CCDC112: variants seen among roughly 807,000 people sequenced by gnomAD.
CCDC112 encodes the protein coiled-coil domain containing 112.
CCDC112 carries 40 observed loss-of-function variants against 66.3 expected under a neutral mutation model. The observed-to-expected ratio is 0.60, with a 90% confidence interval of 0.47 to 0.79. CCDC112 has a LOEUF of 0.79. CCDC112 is among the 30% of genes least tolerant of loss of function. The pLI is 0.00. For missense variants in CCDC112, 659 were observed against 603.8 expected (o/e 1.09, Z -0.96); for synonymous variants, 214 against 197.2 (o/e 1.09, Z -0.71).
At chr5:115,285,852 A>G (rs1476845648) in intron 1 of CCDC112, among the ~76,000 whole-genome samples, 1 of 152,116 alleles carries the variant, frequency 6.6e-6, no homozygotes, top group Non-Finnish European at 1.5e-5. Context: ...AAGGAATGAC[A>G]GTGTCCAGGA....
rs1487215801 is a variant in CCDC112 at position 115,296,526 on chromosome 5, C to A, written c.18G>T (p.Thr6=). The change falls in exon 1 of 10, where the codon ACG becomes ACT. Residue 6 remains threonine, a synonymous_variant. Coordinates refer to ENST00000379611, the MANE Select transcript of CCDC112 (RefSeq NM_001040440.3). The part of the protein sequence containing the change: MAALT[T]VVVAAAATAV... Reference sequence around the variant, plus strand: ...CGGTGGCCGCAGCCGCTACCACAACCGTCGTCAGTGCGGCCATGTTTACCC... The same window carrying A: ...CGGTGGCCGCAGCCGCTACCACAACAGTCGTCAGTGCGGCCATGTTTACCC... 3.9e-6 allele frequency: 6 copies of A among 1,536,098 alleles called. No homozygotes were observed. In the South Asian group the frequency reaches 6.0e-5, roughly 15 times the overall value.
At chr5:115,288,988 G>T in intron 1 of CCDC112, 1 of 290,360 alleles carries the variant, frequency 3.4e-6, no homozygotes, top group Non-Finnish European at 6.6e-6. Flanking sequence ...AATCAGATTG[G>T]CTTCCTTTTT....
At chr5:115,278,658 T>C (rs1749310620) in intron 3 of CCDC112, among the ~76,000 whole-genome samples, 1 of 151,958 alleles carries the variant, frequency 6.6e-6, no homozygotes. Context: ...CTGAGGGAAA[T>C]AAAGAAATAT....
Position 115,275,074 on chromosome 5 carries a change from A to T in CCDC112, c.918+142T>A, listed in dbSNP as rs1749146289. ...ACTTAACTTTCAATGCCTCAGTTTC[A>T]TCTTCTATTAGATTGTCGGGGGCGG... On this transcript the variant is annotated intron_variant, in intron 6 of 9. Transcript: ENST00000379611. 6 of 675,504 alleles carry T rather than the reference A, an allele frequency of 8.9e-6. No homozygotes were observed. The South Asian group carries it at 1.4e-4, about 15-fold the overall frequency. The allele number at this position is 675,504 out of a possible 1,614,324, so 41.8% of individuals were successfully genotyped here.
intron 1 of CCDC112, chr5:115,289,017 C>A (rs1156587999): frequency 3.5e-6 from 1 of 285,428 alleles, no homozygotes; most frequent in Non-Finnish European, 6.7e-6. Flanking sequence ...TAACCAAATT[C>A]ATTTTATTGC....
Position 115,271,229 on chromosome 5 carries a change from G to A in CCDC112, c.1316C>T (p.Ser439Phe). 5 of 1,580,242 alleles carry A rather than the reference G, an allele frequency of 3.2e-6. No individual in the cohort carries two copies. Among genetic ancestry groups the A allele is most frequent in the Non-Finnish European group, 4.3e-6 (5 of 1,171,032 alleles). The change falls in exon 7 of 10, where the codon TCC (serine) becomes TTC (phenylalanine). Residue 439 changes from serine (S) to phenylalanine (F), a missense_variant. Coordinates refer to ENST00000379611, the MANE Select transcript of CCDC112 (RefSeq NM_001040440.3). ...EKRKNAADEI[S>F]RFQERDLHKL... ...TTTACTCACTCTTTCTTGAAATCTG[G>A]AAATTTCATCAGCAGCATTTTTCCT...
intron 1 of CCDC112, 27 bp downstream of exon 1, chr5:115,296,400 A>G: frequency 6.4e-7 from 1 of 1,561,102 alleles, no homozygotes; most frequent in African/African-American, 1.4e-5. Context: ...CTGCCGCCAG[A>G]GCAGCTCTCG....
rs1437214234 is a variant in CCDC112 at position 115,284,915 on chromosome 5, T to C, written c.118-7A>G. ...TACTAAAACAGCCATCACTCTGCAT[T>C]GAGAACAAGAAAAACTTAACAGTAA... is the stretch of plus-strand genomic sequence containing the variant. On this transcript the variant is annotated splice_polypyrimidine_tract_variant and splice_region_variant and intron_variant, in intron 1 of 9. Transcript: ENST00000379611. 1.2e-6 allele frequency: 2 copies of C among 1,602,312 alleles called. No homozygotes were observed. The highest frequency in any genetic ancestry group is 2.2e-5 in the South Asian group (2 of 89,248).
At chr5:115,271,768 T>C (rs1749011389) in intron 6 of CCDC112, 142 bp from the exon 7 acceptor site, 1 of 577,116 alleles carries the variant, frequency 1.7e-6, no homozygotes, top group East Asian at 3.3e-5. Flanking sequence ...AGCTTTGTTT[T>C]AACCATTGCA....
chr5:115,292,147 A>C (rs146416494), intron 1 of CCDC112, among the ~76,000 whole-genome samples: 182 of 152,204 alleles, frequency 1.2e-3, no homozygotes, highest in African/African-American at 4.3e-3. Context: ...AGTATGCCTA[A>C]CGGTATCTCA....
intron 1 of CCDC112, among the ~76,000 whole-genome samples, chr5:115,289,822 C>T (rs940020473): frequency 1.3e-5 from 2 of 151,994 alleles, no homozygotes; most frequent in African/African-American, 4.8e-5. Context: ...TAGCTGGGAC[C>T]ACAAGCACAC....
Position 115,284,779 on chromosome 5 carries a change from A to C in CCDC112, c.239+8T>G. ...AATGTTATTTGAAGATTATATTCTT[A>C]TACTTACTGATTTTTAAATTTTTCT... is the stretch of plus-strand genomic sequence containing the variant. On this transcript the variant is annotated splice_region_variant and intron_variant, in intron 2 of 9. Transcript: ENST00000379611. The C allele has an allele frequency of 6.3e-7, 1 of 1,587,214 alleles. No homozygotes were observed. The highest frequency in any genetic ancestry group is 8.6e-7 in the Non-Finnish European group (1 of 1,156,492).
intron 2 of CCDC112, among the ~76,000 whole-genome samples, chr5:115,281,349 A>G (rs1388000021): frequency 6.6e-6 from 1 of 152,180 alleles, no homozygotes; most frequent in Non-Finnish European, 1.5e-5. Flanking sequence ...TTTAATATTC[A>G]TAAGACACAT....
intron 6 of CCDC112, among the ~76,000 whole-genome samples, chr5:115,273,510 C>T (rs1453989662): frequency 1.3e-5 from 2 of 152,178 alleles, no homozygotes; most frequent in Admixed American, 6.5e-5. Context: ...TTCACAAACC[C>T]TTCTATCTCA....
intron 6 of CCDC112, 40 bp downstream of exon 6, chr5:115,275,176 A>G (rs1749150717): frequency 1.4e-6 from 2 of 1,474,008 alleles, no homozygotes; most frequent in Middle Eastern, 3.9e-4. Context: ...TGCCTAGAAC[A>G]TAGAAACACA....
In CCDC112 at chr5:115,275,325, G is replaced by A. The variant is rs1260762649; in HGVS notation, c.809C>T (p.Thr270Ile). The A allele has an allele frequency of 3.7e-6, 6 of 1,613,790 alleles. No homozygotes were observed. The highest frequency in any genetic ancestry group is 1.1e-5 in the South Asian group (1 of 91,068). The change falls in exon 6 of 10, where the codon ACA becomes ATA. Residue 270 changes from threonine (T) to isoleucine (I), a missense_variant. Transcript: ENST00000379611. ...GTGTTCTAGAACTTCTTCCATAAAT[G>A]TTGGCTTCCCTTTATGTTTGTTTCT... ...KVRNKHKGKP[T>I]FMEEVLEHLP...
At position 115,267,598 on chromosome 5, in the gene CCDC112, T is replaced by C. The variant is rs1405816662; in HGVS notation, c.*278A>G. 1.0e-5 allele frequency: 3 copies of C among 299,450 alleles called. No individual in the cohort carries two copies. Among genetic ancestry groups the C allele is most frequent in the Non-Finnish European group, 1.8e-5 (3 of 163,732 alleles). The allele number at this position is 299,450 out of a possible 1,614,324, so 18.5% of individuals were successfully genotyped here. A position where few individuals can be genotyped will look rare whatever the true frequency, so the allele number is the denominator to read the frequency against. ...TAACAAAAACAAAATCTCTTTGAAA[T>C]GTTTTCAGTATTTAAATTGAATAAT... On this transcript the variant is annotated 3_prime_UTR_variant, in exon 10 of 10. Transcript: ENST00000379611.
chr5:115,271,388 T>C lies in CCDC112; in HGVS notation c.1157A>G (p.Lys386Arg). ...QLKEEEEKEK[K>R]HQKERQRQFK... ...CTGGCGCTGGCGTTCTTTCTGATGT[T>C]TTTTCTCTTTCTCTTCTTCTTCTTT... Residue 386 changes from lysine to arginine, a missense_variant, in exon 7 of 10, where the codon AAA becomes AGA. Lys to Arg is a conservative substitution (Grantham distance 26, BLOSUM62 2). Transcript: ENST00000379611. 1 of 1,610,174 alleles carries C rather than the reference T, an allele frequency of 6.2e-7. No individual in the cohort carries two copies. Among genetic ancestry groups the C allele is most frequent in the Non-Finnish European group, 8.5e-7 (1 of 1,179,338 alleles).
rs761841426 is a variant in CCDC112 at position 115,271,249 on chromosome 5, T to G, written c.1296A>C (p.Lys432Asn). 1.5e-5 allele frequency: 23 copies of G among 1,582,322 alleles called. No homozygotes were observed. The Admixed American group carries it at 3.6e-4, about 25-fold the overall frequency. The change falls in exon 7 of 10, where the codon AAA becomes AAC. Residue 432 changes from lysine (K) to asparagine (N), a missense_variant. By Grantham distance (94) the Lys-to-Asn change is moderately conservative. Coordinates refer to ENST00000379611, the MANE Select transcript of CCDC112 (RefSeq NM_001040440.3). Reference sequence around the variant, plus strand: ...ATCTGGAAATTTCATCAGCAGCATTTTTCCTTTTTTCTGCCTTTTCTGCCT... The same window carrying G: ...ATCTGGAAATTTCATCAGCAGCATTGTTCCTTTTTTCTGCCTTTTCTGCCT... ...REKAEKAEKR[K>N]NAADEISRFQ...
Sources: allele counts gnomAD v4.1 joint callset (sites outside exome capture counted in the v4.1 genomes callset), GRCh38; gene constraint gnomAD v4.1.1; transcripts MANE v1.5; gene names NCBI Gene and HGNC (gene_info 2026-07-23, HGNC 2026-07-21).